ERBB4: variants seen among roughly 807,000 people sequenced by gnomAD.
The protein encoded by ERBB4 is receptor tyrosine-protein kinase erbB-4.
In ERBB4, 42 loss-of-function variants were observed where a neutral mutation model predicts 158.0. The observed-to-expected ratio is 0.27, with a 90% CI of 0.21 to 0.34. The LOEUF (loss-of-function observed/expected upper bound fraction) is 0.34, where lower values mean the gene tolerates loss of function less well. ERBB4 is among the 10% of genes least tolerant of loss of function. The pLI is 1.00. For missense variants in ERBB4, 1,333 were observed against 1,624.1 expected (o/e 0.82, Z 3.08); for synonymous variants, 583 against 558.7 (o/e 1.04, Z -0.61).
Position 212,009,952 on chromosome 2 carries a change from C to A in ERBB4, c.235-62336G>T, listed in dbSNP as rs988154161. 3.3e-5 allele frequency among the ~76,000 whole-genome samples: 5 copies of A among 152,322 alleles called. No homozygotes were observed. The East Asian group carries it at 9.6e-4, about 29-fold the overall frequency. ...CATATCTGTATTCTAATTCACCTAT[C>A]CCTCATAAGCCAGAATAATCTTCCT... On this transcript the variant is annotated intron_variant, in intron 2 of 27. Coordinates refer to ENST00000342788, the MANE Select transcript of ERBB4 (RefSeq NM_005235.3).
chr2:211,524,423 C>CGGGGGGGGGG (rs1559258462), intron 20 of ERBB4, among the ~76,000 whole-genome samples: 1 of 149,078 alleles, frequency 6.7e-6, no homozygotes, highest in African/African-American at 2.6e-5. Flanking sequence ...TGCCGTGGAG[C>CGGGGGGGGGG]AGGGGGTGGT....
intron 3 of ERBB4, among the ~76,000 whole-genome samples, chr2:211,797,595 A>G (rs1225973625): frequency 6.6e-6 from 1 of 151,984 alleles, no homozygotes; most frequent in East Asian, 1.9e-4. Context: ...ATGATTTTCA[A>G]ATATGTCAAG....
intron 2 of ERBB4, among the ~76,000 whole-genome samples, chr2:211,995,925 G>A (rs2125266838): frequency 6.6e-6 from 1 of 152,252 alleles, no homozygotes; most frequent in African/African-American, 2.4e-5. Context: ...CATTTTGAAG[G>A]AAGCTAAAAA....
intron 20 of ERBB4, among the ~76,000 whole-genome samples, chr2:211,471,120 G>A (rs1241946210): frequency 6.6e-6 from 1 of 152,048 alleles, no homozygotes; most frequent in Non-Finnish European, 1.5e-5. Flanking sequence ...AGGCCCGGGA[G>A]GATAAGACTA....
intron 1 of ERBB4, among the ~76,000 whole-genome samples, chr2:212,151,868 A>G (rs1404953998): frequency 1.3e-5 from 2 of 151,546 alleles, no homozygotes; most frequent in Non-Finnish European, 2.9e-5. Flanking sequence ...CAGCTAAAAA[A>G]TATTTTTTTA....
intron 1 of ERBB4, among the ~76,000 whole-genome samples, chr2:212,446,705 C>A (rs1309418050): frequency 7.3e-6 from 1 of 136,314 alleles, no homozygotes; most frequent in Non-Finnish European, 1.6e-5. Context: ...CTTAGCATAG[C>A]CTTTATTATA....
intron 20 of ERBB4, among the ~76,000 whole-genome samples, chr2:211,466,350 A>T (rs200523467): frequency 0.043 from 3,645 of 84,400 alleles, 49 homozygotes; most frequent in South Asian, 0.087. Context: ...TTTTTTTTTT[A>T]AAAAAAAAAA....
intron 19 of ERBB4, among the ~76,000 whole-genome samples, chr2:211,600,746 G>T (rs1214448021): frequency 6.6e-6 from 1 of 152,176 alleles, no homozygotes; most frequent in African/African-American, 2.4e-5. Flanking sequence ...GAGGCTAACT[G>T]TAAAAATAAC....
intron 3 of ERBB4, among the ~76,000 whole-genome samples, chr2:211,832,880 A>G (rs2077255376): frequency 7.1e-6 from 1 of 141,440 alleles, no homozygotes; most frequent in Admixed American, 7.0e-5. Context: ...ATAAGACTAT[A>G]TATATAGTTT....
intron 17 of ERBB4, among the ~76,000 whole-genome samples, chr2:211,628,080 G>A (rs2069930135): frequency 1.3e-5 from 2 of 151,940 alleles, no homozygotes; most frequent in Admixed American, 1.3e-4. Context: ...ATTAAAACAT[G>A]CATTCCTTGT....
chr2:211,713,784 CTTTG>C, intron 7 of ERBB4, 136 bp from the exon 8 acceptor site: 1 of 645,606 alleles, frequency 1.5e-6, no homozygotes, highest in Non-Finnish European at 2.7e-6. Flanking sequence ...TTAAACAACT[CTTTG>C]TTTAAATATC....
At chr2:211,946,516 A>T (rs1216615752) in intron 3 of ERBB4, among the ~76,000 whole-genome samples, 1 of 150,666 alleles carries the variant, frequency 6.6e-6, no homozygotes. Flanking sequence ...TTTATAGTAA[A>T]TTAAAAGTGT....
At chr2:211,536,706 G>C (rs575404045) in intron 20 of ERBB4, among the ~76,000 whole-genome samples, 124 of 152,136 alleles carry the variant, frequency 8.2e-4, no homozygotes, top group Non-Finnish European at 1.6e-3. Flanking sequence ...CGAAGAATGG[G>C]AGTCAGAAAT....
At chr2:211,814,495 G>C (rs539480870) in intron 3 of ERBB4, among the ~76,000 whole-genome samples, 2 of 152,024 alleles carry the variant, frequency 1.3e-5, no homozygotes, top group South Asian at 4.2e-4. Context: ...ATAGTATAGA[G>C]GTACTAAGAT....
chr2:211,561,933 C>G lies in ERBB4; in HGVS notation c.2457G>C (p.Leu819=), dbSNP rs754419789. 6.2e-7 allele frequency: 1 copy of G among 1,614,074 alleles called. No individual in the cohort carries two copies. Among genetic ancestry groups the G allele is most frequent in the Non-Finnish European group, 8.5e-7 (1 of 1,180,010 alleles). Reference sequence around the variant, plus strand: ...CTATCTGGACACACCAGTTAAGCAGCAGTTGTGATCCAATGTTATCCTTGT... The same window carrying G: ...CTATCTGGACACACCAGTTAAGCAGGAGTTGTGATCCAATGTTATCCTTGT... ...HEHKDNIGSQ[L]LLNWCVQIAK... Residue 819 remains leucine (L), a synonymous_variant, in exon 20 of 28, where the codon CTG becomes CTC. Coordinates refer to ENST00000342788, the MANE Select transcript of ERBB4 (RefSeq NM_005235.3).
At chr2:211,991,135 T>C (rs1484295036) in intron 2 of ERBB4, among the ~76,000 whole-genome samples, 1 of 152,094 alleles carries the variant, frequency 6.6e-6, no homozygotes, top group Non-Finnish European at 1.5e-5. Flanking sequence ...TTCATATTAA[T>C]ATATTCAACC....
intron 1 of ERBB4, among the ~76,000 whole-genome samples, chr2:212,222,892 G>T (rs78698226): frequency 0.026 from 4,007 of 151,508 alleles, 170 homozygotes; most frequent in African/African-American, 0.092. Flanking sequence ...CTTAATTCAA[G>T]AATATTTGTT....
At chr2:211,397,115 A>G (rs1485922358) in intron 25 of ERBB4, among the ~76,000 whole-genome samples, 2 of 152,164 alleles carry the variant, frequency 1.3e-5, no homozygotes, top group East Asian at 3.9e-4. Context: ...TATCAGATTG[A>G]AGGCAACACC....
At chr2:212,400,048 C>T (rs2091157027) in intron 1 of ERBB4, among the ~76,000 whole-genome samples, 1 of 151,946 alleles carries the variant, frequency 6.6e-6, no homozygotes, top group African/African-American at 2.4e-5. Context: ...AGGGGAAGTG[C>T]CATGAGAAAA....
Sources: gnomAD v4.1 joint callset for allele counts (sites outside exome capture counted in the v4.1 genomes callset) on GRCh38, gnomAD v4.1.1 for gene constraint, MANE v1.5 for transcripts, NCBI Gene and HGNC (gene_info 2026-07-23, HGNC 2026-07-21) for gene names.